Variants in PCSK5 observed in about 807,000 individuals in gnomAD.
The protein encoded by PCSK5 is prohormone convertase 5.
PCSK5 carries 129 observed loss-of-function variants against 233.2 expected under a neutral mutation model. The ratio of observed to expected loss-of-function variants is 0.55; its 90% CI spans 0.48 to 0.64. The LOEUF (loss-of-function observed/expected upper bound fraction) is 0.64, where lower values mean the gene tolerates loss of function less well. Ranked by LOEUF, PCSK5 falls within the 30% of genes least tolerant of loss-of-function variation. The pLI is 0.00. For missense variants in PCSK5, 2,076 were observed against 2,430.1 expected (o/e 0.85, Z 3.06); for synonymous variants, 825 against 879.2 (o/e 0.94, Z 1.09).
At chr9:76,221,591 G>A (rs902090143) in intron 20 of PCSK5, among the ~76,000 whole-genome samples, 1 of 152,176 alleles carries the variant, frequency 6.6e-6, no homozygotes. Flanking sequence ...GAGCTTGTAT[G>A]ATTGCTACAT....
At chr9:76,291,157 T>G (rs1329681326) in intron 24 of PCSK5, among the ~76,000 whole-genome samples, 1 of 152,186 alleles carries the variant, frequency 6.6e-6, no homozygotes, top group Non-Finnish European at 1.5e-5. Context: ...ATGCATTAGT[T>G]GTATTATGTG....
intron 20 of PCSK5, among the ~76,000 whole-genome samples, chr9:76,192,171 G>A (rs1423692271): frequency 6.6e-6 from 1 of 151,608 alleles, no homozygotes; most frequent in Non-Finnish European, 1.5e-5. Flanking sequence ...TTCAAGAGTT[G>A]TAATGCTTTA....
intron 20 of PCSK5, among the ~76,000 whole-genome samples, chr9:76,206,938 C>A (rs1310508068): frequency 1.3e-5 from 2 of 152,140 alleles, no homozygotes; most frequent in East Asian, 1.9e-4. Context: ...GGCCACCCTA[C>A]CAGAGGGTCC....
intron 7 of PCSK5, among the ~76,000 whole-genome samples, chr9:76,089,396 A>T (rs1831195276): frequency 6.6e-6 from 1 of 152,148 alleles, no homozygotes. Context: ...AGAGGTTCTG[A>T]TCAGATGCAG....
rs1291969832 is a variant in PCSK5 at position 76,121,884 on chromosome 9, C to T, written c.1209-12225C>T. On this transcript the variant is annotated intron_variant, in intron 9 of 37. Transcript: ENST00000674117. ...TGTCGCCCAGGCTGGAGTGCAGTGG[C>T]GGGATCTCGGCTCACTGCAAGCTCC... Among the ~76,000 whole-genome samples, 6 of 37,514 alleles carry T rather than the reference C, an allele frequency of 1.6e-4. 1 individual carries two copies. Among genetic ancestry groups the T allele is most frequent in the African/African-American group, 4.2e-4 (6 of 14,270 alleles). The allele number at this position is 37,514 out of a possible 152,430, so 24.6% of individuals were successfully genotyped here. A position where few individuals can be genotyped will look rare whatever the true frequency, so the allele number is the denominator to read the frequency against.
intron 27 of PCSK5, among the ~76,000 whole-genome samples, chr9:76,301,840 C>T (rs1197781765): frequency 1.4e-5 from 2 of 138,712 alleles, no homozygotes; most frequent in Admixed American, 7.0e-5. Context: ...CAAGACTCCT[C>T]GTGGAAAAAA....
intron 1 of PCSK5, among the ~76,000 whole-genome samples, chr9:75,931,949 T>C (rs1823824632): frequency 2.0e-5 from 3 of 152,266 alleles, no homozygotes; most frequent in Admixed American, 6.5e-5. Flanking sequence ...ATTAACTGTA[T>C]AAATAATCTA....
At chr9:75,895,769 TAGA>T (rs1354790808) in intron 1 of PCSK5, among the ~76,000 whole-genome samples, 10 of 152,346 alleles carry the variant, frequency 6.6e-5, no homozygotes, top group Admixed American at 1.3e-4. Context: ...TGAGTAAAGC[TAGA>T]AGAAGCATTT....
At chr9:76,122,237 T>A (rs1015263805) in intron 9 of PCSK5, among the ~76,000 whole-genome samples, 2 of 151,690 alleles carry the variant, frequency 1.3e-5, no homozygotes, top group East Asian at 1.9e-4. Context: ...TTATCAGTAA[T>A]TTTTTTTCTG....
At chr9:76,236,899 T>C (rs1009828210) in intron 22 of PCSK5, among the ~76,000 whole-genome samples, 2 of 152,122 alleles carry the variant, frequency 1.3e-5, no homozygotes, top group Non-Finnish European at 2.9e-5. Context: ...TCCAGTTGGA[T>C]ATAGGGGAAA....
chr9:76,104,436 AAC>A (rs111629609), intron 8 of PCSK5, among the ~76,000 whole-genome samples: 8,411 of 152,272 alleles, frequency 0.055, 247 homozygotes, highest in South Asian at 0.079. Context: ...AAAAAATTAT[AAC>A]ACAGTGGGGA....
chr9:75,924,072 G>A (rs896201367), intron 1 of PCSK5, among the ~76,000 whole-genome samples: 1 of 152,118 alleles, frequency 6.6e-6, no homozygotes. Flanking sequence ...TGCCATAAAG[G>A]TAACATATTC....
chr9:75,928,324 A>G (rs1199703322), intron 1 of PCSK5, among the ~76,000 whole-genome samples: 2 of 152,006 alleles, frequency 1.3e-5, no homozygotes, highest in African/African-American at 4.8e-5. Flanking sequence ...CCTCGCTGCT[A>G]TTGAATAACG....
In PCSK5 at chr9:76,328,237, T is replaced by G; in HGVS notation, c.4568T>G (p.Leu1523Arg). Residue 1523 changes from leucine to arginine, a missense_variant and splice_region_variant, in exon 33 of 38, where the codon CTC becomes CGC. Transcript: ENST00000674117. ...ACATGCCCCATGAACAGCCTTCTTC[T>G]CAGTGAGTTACTTCTCCGAGGACAG... ...CQTCPMNSLL[L>R]NTTCVKDCPE... The G allele has an allele frequency of 6.2e-7, 1 of 1,605,384 alleles. No homozygotes were observed. Among genetic ancestry groups the G allele is most frequent in the Non-Finnish European group, 8.5e-7 (1 of 1,173,046 alleles).
At chr9:75,940,801 C>A (rs560937043) in intron 2 of PCSK5, among the ~76,000 whole-genome samples, 28 of 152,298 alleles carry the variant, frequency 1.8e-4, no homozygotes, top group African/African-American at 6.7e-4. Context: ...ACTAATTGAT[C>A]TGTAATTGAT....
intron 2 of PCSK5, among the ~76,000 whole-genome samples, chr9:75,982,004 A>G (rs941356353): frequency 6.6e-6 from 1 of 152,216 alleles, no homozygotes; most frequent in Non-Finnish European, 1.5e-5. Flanking sequence ...CTAGTTTTCT[A>G]CCTAGAAAGC....
intron 8 of PCSK5, among the ~76,000 whole-genome samples, chr9:76,103,407 G>C (rs1019790492): frequency 6.6e-6 from 1 of 152,078 alleles, no homozygotes; most frequent in Non-Finnish European, 1.5e-5. Flanking sequence ...AGATATCAAG[G>C]AGAGAGAAAC....
chr9:76,158,263 G>A (rs112214092), intron 11 of PCSK5, among the ~76,000 whole-genome samples: 1 of 152,136 alleles, frequency 6.6e-6, no homozygotes. Context: ...CTCGATGAAG[G>A]TCTCAGGGAG....
intron 24 of PCSK5, among the ~76,000 whole-genome samples, chr9:76,284,100 A>C (rs1034225751): frequency 6.6e-6 from 1 of 151,476 alleles, no homozygotes; most frequent in Admixed American, 6.6e-5. Context: ...TAGGAAAAAT[A>C]ATTTATTTAG....
Sources: gnomAD v4.1 joint callset for allele counts (sites outside exome capture counted in the v4.1 genomes callset) on GRCh38, gnomAD v4.1.1 for gene constraint, MANE v1.5 for transcripts, NCBI Gene and HGNC (gene_info 2026-07-23, HGNC 2026-07-21) for gene names.